COL24A1: variants seen among roughly 807,000 people sequenced by gnomAD.
COL24A1 encodes collagen alpha-1(XXIV) chain.
COL24A1 carries 224 observed loss-of-function variants against 253.9 expected under a neutral mutation model. The observed-to-expected ratio is 0.88, with a 90% CI of 0.79 to 0.99. COL24A1 has a LOEUF of 0.99. Among genes scored for constraint, COL24A1 ranks in the 50% least tolerant of loss-of-function variants. The probability of loss-of-function intolerance (pLI) is 0.00; values close to 1 mark genes in which losing one functional copy is unlikely to be tolerated. For missense variants in COL24A1, 2,131 were observed against 2,068.5 expected (o/e 1.03, Z -0.59); for synonymous variants, 685 against 673.7 (o/e 1.02, Z -0.26).
chr1:85,910,370 G>T (rs920335169), intron 25 of COL24A1, among the ~76,000 whole-genome samples: 4 of 151,772 alleles, frequency 2.6e-5, no homozygotes, highest in Non-Finnish European at 4.4e-5. Flanking sequence ...AAGTATCAAA[G>T]CATATTAAAA....
intron 24 of COL24A1, among the ~76,000 whole-genome samples, chr1:85,954,759 A>G (rs965130891): frequency 1.3e-5 from 2 of 152,142 alleles, no homozygotes; most frequent in African/African-American, 4.8e-5. Flanking sequence ...CAACAGCTTT[A>G]TTGCTGTTTT....
rs192347188 is a variant in COL24A1 at position 85,947,051 on chromosome 1, G to A, written c.2562+14198C>T. Among the ~76,000 whole-genome samples the A allele has an allele frequency of 2.2e-3, 329 of 152,256 alleles. 11 individuals carry two copies. The South Asian group carries it at 0.052, about 24-fold the overall frequency. ...TTAAATGTAAAATAATTAGCACATG[G>A]CATGAACAGATGCTTAATAAGTATT... On this transcript the variant is annotated intron_variant, in intron 24 of 59. Transcript: ENST00000370571.
chr1:86,079,980 T>C (rs1702517436), intron 7 of COL24A1, among the ~76,000 whole-genome samples: 1 of 152,174 alleles, frequency 6.6e-6, no homozygotes, highest in Admixed American at 6.5e-5. Context: ...CCATGTTTGT[T>C]GCAGCACTGT....
At chr1:85,974,395 A>C (rs1388318606) in intron 20 of COL24A1, among the ~76,000 whole-genome samples, 1 of 152,178 alleles carries the variant, frequency 6.6e-6, no homozygotes, top group Non-Finnish European at 1.5e-5. Context: ...GTTATACTAT[A>C]AAATGTAAAT....
At chr1:86,133,179 T>G (rs1649574370) in intron 2 of COL24A1, among the ~76,000 whole-genome samples, 3 of 152,164 alleles carry the variant, frequency 2.0e-5, no homozygotes, top group Non-Finnish European at 4.4e-5. Context: ...TAAGAATGCT[T>G]GTGATTTTTG....
chr1:86,128,070 A>G (rs1648587792), intron 2 of COL24A1, among the ~76,000 whole-genome samples: 1 of 152,088 alleles, frequency 6.6e-6, no homozygotes, highest in Admixed American at 6.6e-5. Context: ...GTGTAGAATT[A>G]TATGCACCTC....
intron 32 of COL24A1, chr1:85,883,684 T>C (rs1414700079): frequency 1.3e-5 from 2 of 152,206 alleles, no homozygotes; most frequent in Non-Finnish European, 2.9e-5. Context: ...TTAAAAACCC[T>C]ACAGCACGTG....
At chr1:85,779,646 A>G (rs942091744) in intron 52 of COL24A1, among the ~76,000 whole-genome samples, 1 of 152,270 alleles carries the variant, frequency 6.6e-6, no homozygotes, top group African/African-American at 2.4e-5. Flanking sequence ...TTTGCAGCCA[A>G]ACCTTCCTCA....
chr1:85,803,322 C>T (rs1671625916), intron 47 of COL24A1, among the ~76,000 whole-genome samples: 1 of 151,014 alleles, frequency 6.6e-6, no homozygotes, highest in South Asian at 2.1e-4. Flanking sequence ...CCCAGCTACT[C>T]AGGAAGCTGA....
rs1469121915 is a variant in COL24A1 at position 86,130,742 on chromosome 1, AT to A, written c.122-4529del. ...ATTCCCAGCTTCTTCAGATAAGGCA[AT>A]CAGCAAAGTTAATCTACTCTTCCTA... On this transcript the variant is annotated intron_variant, in intron 2 of 59. Transcript: ENST00000370571. 2.6e-5 allele frequency among the ~76,000 whole-genome samples: 4 copies of A among 152,126 alleles called. No homozygotes were observed. The East Asian group carries it at 7.7e-4, about 29-fold the overall frequency.
intron 53 of COL24A1, among the ~76,000 whole-genome samples, chr1:85,767,781 A>C (rs1667533351): frequency 6.6e-6 from 1 of 152,174 alleles, no homozygotes; most frequent in African/African-American, 2.4e-5. Context: ...AAACTCTAAA[A>C]AGCATGTTAA....
At chr1:85,858,621 CTCCTTCCT>C (rs1192322864) in intron 37 of COL24A1, among the ~76,000 whole-genome samples, 5,815 of 113,210 alleles carry the variant, frequency 0.051, 212 homozygotes, top group African/African-American at 0.093. Flanking sequence ...TATTTTCTCC[CTCCTTCCT>C]TCCTTCCTTC....
At chr1:85,858,016 C>A (rs1359262520) in intron 37 of COL24A1, among the ~76,000 whole-genome samples, 1 of 152,236 alleles carries the variant, frequency 6.6e-6, no homozygotes, top group East Asian at 1.9e-4. Flanking sequence ...ATCTTCTCAA[C>A]ATCTAAACCA....
At chr1:86,004,982 C>T (rs140098388) in intron 19 of COL24A1, among the ~76,000 whole-genome samples, 5 of 152,270 alleles carry the variant, frequency 3.3e-5, no homozygotes, top group African/African-American at 1.2e-4. Context: ...TCTTGTACTC[C>T]TGTCAAACAT....
At chr1:85,812,553 G>C (rs1329130988) in intron 47 of COL24A1, among the ~76,000 whole-genome samples, 2 of 152,212 alleles carry the variant, frequency 1.3e-5, no homozygotes, top group African/African-American at 4.8e-5. Flanking sequence ...GAGAGCACTG[G>C]CTAAGAGTTT....
chr1:86,012,783 C>A (rs1472629740), intron 19 of COL24A1, among the ~76,000 whole-genome samples: 1 of 152,138 alleles, frequency 6.6e-6, no homozygotes, highest in Admixed American at 6.5e-5. Context: ...TTCTCACTAT[C>A]CTCTATGAGG....
At chr1:85,778,520 T>A (rs984647788) in intron 52 of COL24A1, among the ~76,000 whole-genome samples, 1 of 152,140 alleles carries the variant, frequency 6.6e-6, no homozygotes, top group South Asian at 2.1e-4. Context: ...GAAAAAAAAA[T>A]TTCAAGTATT....
intron 23 of COL24A1, among the ~76,000 whole-genome samples, chr1:85,962,076 G>GAGT (rs1691133352): frequency 6.6e-6 from 1 of 152,120 alleles, no homozygotes; most frequent in Admixed American, 6.5e-5. Context: ...GTAAAAGGCA[G>GAGT]AGTAGTAAGC....
chr1:85,796,047 G>A (rs148048876), intron 47 of COL24A1, among the ~76,000 whole-genome samples: 63 of 152,198 alleles, frequency 4.1e-4, no homozygotes, highest in East Asian at 2.9e-3. Flanking sequence ...TTTTCCTGCC[G>A]TGCCAATCAT....
Sources: gnomAD v4.1 joint callset for allele counts (sites outside exome capture counted in the v4.1 genomes callset) on GRCh38, gnomAD v4.1.1 for gene constraint, MANE v1.5 for transcripts, NCBI Gene and HGNC (gene_info 2026-07-23, HGNC 2026-07-21) for gene names.